Variants in PLXNA4 observed in about 807,000 individuals in gnomAD.
PLXNA4 encodes the protein plexin-A4.
PLXNA4 carries 44 observed loss-of-function variants against 191.8 expected under a neutral mutation model. The observed-to-expected ratio is 0.23, with a 90% CI of 0.18 to 0.29. The LOEUF (loss-of-function observed/expected upper bound fraction) is 0.29. Among genes scored for constraint, PLXNA4 ranks in the 10% least tolerant of loss-of-function variants. The pLI, the probability that PLXNA4 is intolerant of heterozygous loss-of-function variation, is 1.00. For missense variants in PLXNA4, 1,800 were observed against 2,488.8 expected, an observed-to-expected ratio of 0.72 and a Z score of 5.89; for synonymous variants, 1,082 against 1,009.5, an observed-to-expected ratio of 1.07 and a Z score of -1.36.
chr7:132,154,306 A>G (rs1795730193), intron 25 of PLXNA4, among the ~76,000 whole-genome samples: 1 of 152,154 alleles, frequency 6.6e-6, no homozygotes, highest in Non-Finnish European at 1.5e-5. Flanking sequence ...TGCTGGGAGC[A>G]GGCACCGGAG....
chr7:132,298,730 A>G (rs1801197599), intron 3 of PLXNA4, among the ~76,000 whole-genome samples: 1 of 152,264 alleles, frequency 6.6e-6, no homozygotes. Flanking sequence ...GTTTCACACT[A>G]AGGGTCTCTT....
intron 14 of PLXNA4, among the ~76,000 whole-genome samples, chr7:132,190,836 T>C (rs2116804640): frequency 6.6e-6 from 1 of 152,214 alleles, no homozygotes; most frequent in South Asian, 2.1e-4. Flanking sequence ...GGCAAGTGGC[T>C]CCCAAGACTG....
At chr7:132,165,019 G>A (rs991868508) in intron 23 of PLXNA4, 115 bp downstream of exon 23, 2 of 1,428,994 alleles carry the variant, frequency 1.4e-6, no homozygotes, top group African/African-American at 2.8e-5. Flanking sequence ...CATTTCTTGT[G>A]GGGTTATAAG....
At chr7:132,579,879 A>ATTT (rs112989830), upstream of PLXNA4, among the ~76,000 whole-genome samples, 8 of 148,198 alleles carry the variant, frequency 5.4e-5, no homozygotes, top group African/African-American at 2.0e-4. Flanking sequence ...GCAGTAGAGG[A>ATTT]TTTTTTTTTT....
At position 132,147,923 on chromosome 7, in the gene PLXNA4, G is replaced by C; in HGVS notation, c.4841C>G (p.Ser1614Cys). ...ACCATATTTACTTGCTGAGGTCCTGGAGACGGTGGAGTTGTTCACTGCGTT... is the reference window on the plus strand; with the variant it reads ...ACCATATTTACTTGCTGAGGTCCTGCAGACGGTGGAGTTGTTCACTGCGTT... ...AYNAVNNSTV[S>C]RTSASKYENM... Residue 1614 changes from serine to cysteine, a missense_variant, in exon 27 of 32, where the codon TCC becomes TGC. Physicochemically the swap from Ser to Cys is moderately radical, Grantham distance 112. This residue lies in a region of PLXNA4 where 214 missense variants were observed against 298.2 expected (regional missense o/e 0.72). Coordinates refer to ENST00000321063, the MANE Select transcript of PLXNA4 (RefSeq NM_020911.2). The C allele has an allele frequency of 6.2e-7, 1 of 1,614,158 alleles. No homozygotes were observed. Among genetic ancestry groups the C allele is most frequent in the Non-Finnish European group, 8.5e-7 (1 of 1,180,036 alleles).
At position 132,573,707 on chromosome 7, in the gene PLXNA4, G is replaced by A. The variant is rs184059142; in HGVS notation, c.-87+2715C>T. On this transcript the variant is annotated intron_variant, in intron 1 of 31. Coordinates refer to ENST00000321063, the MANE Select transcript of PLXNA4 (RefSeq NM_020911.2). ...TTGGAGTCCTCCAGAAATGTCTGCA[G>A]TGTCCCAGTGGGCATCCAGGAGGAA... is the stretch of plus-strand genomic sequence containing the variant. Among the ~76,000 whole-genome samples, 173 of 152,330 alleles carry A rather than the reference G, an allele frequency of 1.1e-3. 1 individual carries two copies. The highest frequency in any genetic ancestry group is 1.9e-3 in the Non-Finnish European group (132 of 68,032).
chr7:132,312,197 T>C (rs1312937007), intron 3 of PLXNA4, among the ~76,000 whole-genome samples: 1 of 148,096 alleles, frequency 6.8e-6, no homozygotes, highest in Admixed American at 6.7e-5. Flanking sequence ...GGTTACTCCT[T>C]CTGCCAGAAG....
chr7:132,194,408 G>T lies in PLXNA4; in HGVS notation c.2739-229C>A, dbSNP rs147672344. Among the ~76,000 whole-genome samples, 1,147 of 152,316 alleles carry T rather than the reference G, an allele frequency of 7.5e-3. 4 individuals carry two copies. Among genetic ancestry groups the T allele is most frequent in the Admixed American group, 0.014 (209 of 15,310 alleles). On this transcript the variant is annotated intron_variant, in intron 13 of 31. Coordinates refer to ENST00000321063, the MANE Select transcript of PLXNA4 (RefSeq NM_020911.2). ...CTCCTTTGAGGGAGCCTAGAAGAGG[G>T]TCCCTGTGTTCTGACCCTAGATGTT... is the stretch of plus-strand genomic sequence containing the variant.
chr7:132,638,525 G>GGCACACA (rs1803654410), intron 2 of PLXNA4, among the ~76,000 whole-genome samples: 1 of 152,084 alleles, frequency 6.6e-6, no homozygotes, highest in African/African-American at 2.4e-5. Context: ...GATGGTGTGT[G>GGCACACA]CCTGTAATCC....
At chr7:132,537,184 C>T (rs1799877812) in intron 1 of PLXNA4, among the ~76,000 whole-genome samples, 1 of 152,176 alleles carries the variant, frequency 6.6e-6, no homozygotes, top group African/African-American at 2.4e-5. Flanking sequence ...GAGACCACGC[C>T]GTCCACAGGG....
chr7:132,272,093 G>T (rs968969336), intron 4 of PLXNA4, among the ~76,000 whole-genome samples: 4 of 152,154 alleles, frequency 2.6e-5, no homozygotes, highest in Non-Finnish European at 5.9e-5. Flanking sequence ...TTTTTCTTCT[G>T]CATTTCTCAC....
intron 3 of PLXNA4, among the ~76,000 whole-genome samples, chr7:132,365,360 T>TGTGCACGCGC: frequency 7.8e-6 from 1 of 128,828 alleles, no homozygotes; most frequent in East Asian, 2.1e-4. Flanking sequence ...TGTGTGTGTG[T>TGTGCACGCGC]GCGTGCGCGC....
intron 13 of PLXNA4, among the ~76,000 whole-genome samples, chr7:132,198,126 G>C (rs535802116): frequency 5.3e-5 from 8 of 152,122 alleles, no homozygotes; most frequent in Non-Finnish European, 8.8e-5. Context: ...ATCAGTGCTG[G>C]GGGGGATGTG....
chr7:132,564,705 ACAT>A (rs1334676031), intron 1 of PLXNA4, among the ~76,000 whole-genome samples: 1 of 152,252 alleles, frequency 6.6e-6, no homozygotes, highest in African/African-American at 2.4e-5. Context: ...ATATTTCATA[ACAT>A]CATATCAACC....
Position 132,405,348 on chromosome 7 carries a change from A to C in PLXNA4, c.1371+83944T>G, listed in dbSNP as rs566501415. 5.9e-5 allele frequency among the ~76,000 whole-genome samples: 9 copies of C among 152,210 alleles called. No individual in the cohort carries two copies. The South Asian group carries it at 1.9e-3, about 32-fold the overall frequency. On this transcript the variant is annotated intron_variant, in intron 3 of 31. Coordinates refer to ENST00000321063, the MANE Select transcript of PLXNA4 (RefSeq NM_020911.2). ...GTGCCTACAGCTGCTCTTACTTAGGAAATCCTAGGAACTGTGATTCCATAC... is the reference window on the plus strand; with the variant it reads ...GTGCCTACAGCTGCTCTTACTTAGGCAATCCTAGGAACTGTGATTCCATAC...
chr7:132,446,545 T>G (rs1795918206), intron 3 of PLXNA4, among the ~76,000 whole-genome samples: 1 of 152,218 alleles, frequency 6.6e-6, no homozygotes, highest in Non-Finnish European at 1.5e-5. Context: ...ACTCTGACTC[T>G]ATCTCTCTTA....
intron 3 of PLXNA4, among the ~76,000 whole-genome samples, chr7:132,403,688 A>G (rs997831581): frequency 1.3e-5 from 2 of 152,050 alleles, no homozygotes; most frequent in African/African-American, 2.4e-5. Context: ...AAGTGATGAC[A>G]GAGGAATCTG....
intron 4 of PLXNA4, among the ~76,000 whole-genome samples, chr7:132,279,330 A>C (rs1381185705): frequency 6.6e-6 from 1 of 152,154 alleles, no homozygotes; most frequent in Non-Finnish European, 1.5e-5. Context: ...GTTGGAAAGC[A>C]TTGATCTGCT....
At position 132,574,113 on chromosome 7, in the gene PLXNA4, A is replaced by T. The variant is rs148335966; in HGVS notation, c.-87+2309T>A. Among the ~76,000 whole-genome samples, 593 of 152,308 alleles carry T rather than the reference A, an allele frequency of 3.9e-3. 5 individuals are homozygous for T. The highest frequency in any genetic ancestry group is 0.034 in the Middle Eastern group (10 of 294). On this transcript the variant is annotated intron_variant, in intron 1 of 31. Coordinates refer to ENST00000321063, the MANE Select transcript of PLXNA4 (RefSeq NM_020911.2). ...AATGCTAAGTGCAGAAAGTGCAGAG[A>T]TTTTCTGAACCCAGATGTTTAGCTT...
Sources: gnomAD v4.1 joint callset for allele counts (sites outside exome capture counted in the v4.1 genomes callset) on GRCh38, gnomAD v4.1.1 for gene constraint, gnomAD v4.1.1 regional missense constraint, MANE v1.5 for transcripts, NCBI Gene and HGNC (gene_info 2026-07-23, HGNC 2026-07-21) for gene names.